NT5E: variants seen among roughly 807,000 people sequenced by gnomAD.
NT5E encodes 5'-nucleotidase.
NT5E carries 53 observed loss-of-function variants against 55.1 expected under a neutral mutation model. The observed-to-expected ratio is 0.96, with a 90% CI of 0.77 to 1.21. The LOEUF is 1.21. NT5E is among the 50% of genes most tolerant of loss of function. The pLI, the probability that NT5E is intolerant of heterozygous loss-of-function variation, is 0.00. For synonymous variants in NT5E, 270 were observed against 278.4 expected, an observed-to-expected ratio of 0.97 and a Z score of 0.30; for missense variants, 683 against 724.3, an observed-to-expected ratio of 0.94 and a Z score of 0.65.
intron 1 of NT5E, among the ~76,000 whole-genome samples, chr6:85,451,882 C>G (rs1032588460): frequency 6.6e-6 from 1 of 152,166 alleles, no homozygotes; most frequent in Non-Finnish European, 1.5e-5. Context: ...CCCCAACCCC[C>G]CACAACAAGA....
At chr6:85,452,586 G>C (rs1270672952) in intron 1 of NT5E, among the ~76,000 whole-genome samples, 1 of 152,080 alleles carries the variant, frequency 6.6e-6, no homozygotes, top group Non-Finnish European at 1.5e-5. Flanking sequence ...GTAAAGATTG[G>C]GAGCGGATCA....
chr6:85,472,241 C>T (rs556798530), intron 3 of NT5E, among the ~76,000 whole-genome samples: 4 of 152,262 alleles, frequency 2.6e-5, no homozygotes, highest in African/African-American at 9.6e-5. Flanking sequence ...AACAGCCCTC[C>T]CCTTGAAGAG....
rs1206902099 is a variant in NT5E at position 85,450,384 on chromosome 6, A to G, written c.245A>G (p.Asp82Gly). The change falls in exon 1 of 9, where the codon GAC becomes GGC. Residue 82 changes from aspartate (D) to glycine (G), a missense_variant. Asp to Gly is a moderately conservative substitution (Grantham distance 94). Transcript: ENST00000257770. This position sits in a 1 kb window ranked among gnomAD's most constrained non-coding sequence, Gnocchi z 4.0. ...RRAEPNVLLL[D>G]AGDQYQGTIW... ...GCCGAACCCAACGTGCTGCTGCTGG[A>G]CGCCGGCGACCAGTACCAGGGCACT... 1.3e-6 allele frequency: 2 copies of G among 1,599,886 alleles called. No homozygotes were observed. The highest frequency in any genetic ancestry group is 2.3e-5 in the East Asian group (1 of 44,398).
At chr6:85,466,368 A>G (rs1380140398) in intron 1 of NT5E, among the ~76,000 whole-genome samples, 1 of 152,164 alleles carries the variant, frequency 6.6e-6, no homozygotes, top group Non-Finnish European at 1.5e-5. Context: ...AGGTCACCTA[A>G]TCATTTCACC....
At chr6:85,487,634 A>G (rs1396906652) in intron 5 of NT5E, 145 bp downstream of exon 5, 4 of 1,115,300 alleles carry the variant, frequency 3.6e-6, no homozygotes, top group Middle Eastern at 2.2e-4. Context: ...GCATGTGCCT[A>G]TAGTCCCAGC....
At chr6:85,487,764 A>G (rs1769699472) in intron 5 of NT5E, among the ~76,000 whole-genome samples, 1 of 152,218 alleles carries the variant, frequency 6.6e-6, no homozygotes, top group Non-Finnish European at 1.5e-5. Flanking sequence ...AATTAAATAA[A>G]TATGAAAAAT....
Position 85,486,891 on chromosome 6 carries a change from G to A in NT5E, c.950-444G>A, listed in dbSNP as rs115357994. Among the ~76,000 whole-genome samples the A allele has an allele frequency of 8.8e-3, 1,334 of 152,272 alleles. 25 individuals carry two copies. The highest frequency in any genetic ancestry group is 0.03 in the African/African-American group (1,264 of 41,530). ...TTTCTGTTGACTATGATCATGTCAG[G>A]AAGATGAGGTGCACAGCACCCAGGT... is the stretch of plus-strand genomic sequence containing the variant. On this transcript the variant is annotated intron_variant, in intron 4 of 8. Coordinates refer to ENST00000257770, the MANE Select transcript of NT5E (RefSeq NM_002526.4).
intron 1 of NT5E, among the ~76,000 whole-genome samples, chr6:85,456,662 A>G (rs1371820347): frequency 6.6e-6 from 1 of 152,138 alleles, no homozygotes; most frequent in African/African-American, 2.4e-5. Flanking sequence ...AAGACAAGAG[A>G]GAAGAGGGTG....
chr6:85,465,127 A>G (rs7746065), intron 1 of NT5E, among the ~76,000 whole-genome samples: 1,983 of 152,152 alleles, frequency 0.013, 44 homozygotes, highest in African/African-American at 0.046. Flanking sequence ...CACCATGAAT[A>G]AGGGGCTCCT....
chr6:85,456,811 G>A (rs1000241264), intron 1 of NT5E, among the ~76,000 whole-genome samples: 16 of 152,182 alleles, frequency 1.1e-4, no homozygotes. Flanking sequence ...AAACGTGGGG[G>A]TGAGACTGGG....
chr6:85,451,065 AT>A (rs1768847329), intron 1 of NT5E, among the ~76,000 whole-genome samples: 1 of 152,140 alleles, frequency 6.6e-6, no homozygotes. Context: ...TGAGCAAGTT[AT>A]TTACTCTTTC....
chr6:85,464,732 G>A (rs4565270), intron 1 of NT5E, among the ~76,000 whole-genome samples: 25,365 of 152,236 alleles, frequency 0.17, 2,413 homozygotes, highest in African/African-American at 0.26. Context: ...TGGAAACCCA[G>A]TTAGGAGGCT....
At chr6:85,482,831 T>G (rs1769576774) in intron 3 of NT5E, among the ~76,000 whole-genome samples, 1 of 152,178 alleles carries the variant, frequency 6.6e-6, no homozygotes, top group South Asian at 2.1e-4. Context: ...CCTGGACTGG[T>G]TTCTGTGTCA....
chr6:85,476,543 C>T (rs1405659030), intron 3 of NT5E, among the ~76,000 whole-genome samples: 1 of 152,162 alleles, frequency 6.6e-6, no homozygotes, highest in African/African-American at 2.4e-5. Flanking sequence ...GCTTTGCTGT[C>T]CATGGACAGC....
chr6:85,454,004 AT>A (rs1768942696), intron 1 of NT5E, among the ~76,000 whole-genome samples: 1 of 152,054 alleles, frequency 6.6e-6, no homozygotes, highest in African/African-American at 2.4e-5. Flanking sequence ...TCCTGAACTT[AT>A]TGTTTTTATG....
chr6:85,484,865 A>G (rs1179166890), intron 3 of NT5E, among the ~76,000 whole-genome samples: 2 of 152,180 alleles, frequency 1.3e-5, no homozygotes, highest in Non-Finnish European at 2.9e-5. Context: ...TAGGCAAGGA[A>G]ACTGAACTAC....
At position 85,467,274 on chromosome 6, in the gene NT5E, C is replaced by A; in HGVS notation, c.554C>A (p.Ser185Ter). 1 of 1,613,684 alleles carries A rather than the reference C, an allele frequency of 6.2e-7. No homozygotes were observed. The highest frequency in any genetic ancestry group is 8.5e-7 in the Non-Finnish European group (1 of 1,179,644). ...GYTSKETPFLSNPGTNLVFED... is the reference protein window; with the variant it reads ...GYTSKETPFL ...ACTTCCAAAGAAACCCCTTTTCTCT[C>A]AAATCCAGGTATTTTCTACTTTTAT... is the stretch of plus-strand genomic sequence containing the variant. Residue 185 changes from serine to a stop codon, truncating the protein, a stop_gained, in exon 2 of 9, where the codon TCA becomes TAA. Transcript: ENST00000257770. LOFTEE classifies it high-confidence loss of function.
chr6:85,483,302 C>T (rs983424331), intron 3 of NT5E, among the ~76,000 whole-genome samples: 29 of 152,326 alleles, frequency 1.9e-4, no homozygotes, highest in African/African-American at 6.3e-4. Context: ...CTGCACCGCC[C>T]CAGCATCTAT....
At position 85,494,225 on chromosome 6, in the gene NT5E, A is replaced by G; in HGVS notation, c.*221A>G. On this transcript the variant is annotated 3_prime_UTR_variant, in exon 9 of 9. Coordinates refer to ENST00000257770, the MANE Select transcript of NT5E (RefSeq NM_002526.4). ...TTAACATAGGGCCCTATAAGGAGAA[A>G]GCCAACTATGTTAAGTTTACGTGTC... The G allele has an allele frequency of 1.8e-6, 1 of 553,334 alleles. No individual in the cohort carries two copies. Among genetic ancestry groups the G allele is most frequent in the East Asian group, 2.9e-5 (1 of 34,316 alleles). 34.3% of individuals were successfully genotyped at this position (553,334 alleles called of 1,614,324 possible). A position where few individuals can be genotyped will look rare whatever the true frequency, so the allele number is the denominator to read the frequency against.
Sources: gnomAD v4.1 joint callset for allele counts (sites outside exome capture counted in the v4.1 genomes callset) on GRCh38, gnomAD v4.1.1 for gene constraint, Gnocchi (gnomAD v3.1) non-coding constraint, MANE v1.5 for transcripts, NCBI Gene and HGNC (gene_info 2026-07-23, HGNC 2026-07-21) for gene names.